The following EMC3 variants were observed in gnomAD, a reference collection of about 807,000 sequenced individuals.
EMC3 encodes 30 kDa protein.
In EMC3, 13 loss-of-function variants were observed where a neutral mutation model predicts 36.6. The ratio of observed to expected loss-of-function variants is 0.35; its 90% CI spans 0.23 to 0.56. The LOEUF (loss-of-function observed/expected upper bound fraction) is 0.56. Ranked by LOEUF, EMC3 falls within the 20% of genes least tolerant of loss-of-function variation. The pLI is 0.84. For missense variants in EMC3, 220 were observed against 324.5 expected (o/e 0.68, Z 2.47); for synonymous variants, 120 against 111.9 (o/e 1.07, Z -0.46).
chr3:9,993,843 T>C (rs2086087100), intron 1 of EMC3, among the ~76,000 whole-genome samples: 1 of 152,116 alleles, frequency 6.6e-6, no homozygotes, highest in Admixed American at 6.6e-5. Context: ...ATAACCAAGG[T>C]GGAACATCCC....
At chr3:10,007,506 CT>C (rs2086277154) in intron 1 of EMC3, 3 of 1,367,472 alleles carry the variant, frequency 2.2e-6, no homozygotes, top group South Asian at 1.1e-5. Context: ...ATGGTTTCTT[CT>C]TTTGATAACA....
intron 1 of EMC3, among the ~76,000 whole-genome samples, chr3:9,977,650 C>T (rs1039364300): frequency 3.9e-5 from 6 of 152,092 alleles, no homozygotes; most frequent in Non-Finnish European, 7.4e-5. Flanking sequence ...AAGTATTTTT[C>T]AAAAGTGACT....
chr3:9,993,097 G>T, intron 1 of EMC3: 4 of 773,298 alleles, frequency 5.2e-6, no homozygotes, highest in Non-Finnish European at 8.9e-6. Context: ...TCAGTCCATT[G>T]TTCAAACCCA....
At chr3:9,987,274 T>C (rs928732347), upstream of EMC3, 5 of 977,900 alleles carry the variant, frequency 5.1e-6, no homozygotes, top group South Asian at 4.7e-5. Context: ...GGTGAGTAAA[T>C]GGAGCAGTGG....
Position 9,976,945 on chromosome 3 carries a change from G to T in EMC3, c.307+12C>A. The stretch of plus-strand genomic sequence containing the variant: ...AATCTTCCTTAAAGATGAGTGAAGG[G>T]AACAAACATACCAGTCATAGGAGAA... On this transcript the variant is annotated intron_variant, in intron 3 of 7. Coordinates refer to ENST00000245046, the MANE Select transcript of EMC3 (RefSeq NM_001394674.1). 1 of 1,596,836 alleles carries T rather than the reference G, an allele frequency of 6.3e-7. No homozygotes were observed. Among genetic ancestry groups the T allele is most frequent in the Non-Finnish European group, 8.5e-7 (1 of 1,170,342 alleles).
Position 10,008,419 on chromosome 3 carries a change from G to A in EMC3, c.-242+2604C>T, listed in dbSNP as rs184153168. The stretch of plus-strand genomic sequence containing the variant: ...AAGTGTCTACCTGGGCCGGCATGCA[G>A]GCCGGGCAACCTTGGCTTGTTCATC... On this transcript the variant is annotated intron_variant, in intron 1 of 8. Coordinates refer to the EMC3 transcript ENST00000470827. The A allele has an allele frequency of 1.2e-3, 1,649 of 1,367,708 alleles. 30 individuals are homozygous for A. The East Asian group carries it at 0.016, about 13-fold the overall frequency. The allele number at this position is 1,367,708 out of a possible 1,614,324, so 84.7% of individuals were successfully genotyped here.
intron 4 of EMC3, among the ~76,000 whole-genome samples, chr3:9,973,994 G>A (rs1026221334): frequency 3.3e-5 from 5 of 152,156 alleles, no homozygotes; most frequent in Non-Finnish European, 7.3e-5. Flanking sequence ...ACTCTAAGTG[G>A]AATATATAAG....
rs551448953 is a variant in EMC3, at chr3:10,009,518, C to A, written c.-242+1505G>T. Among the ~76,000 whole-genome samples the A allele has an allele frequency of 2.0e-5, 3 of 152,356 alleles. No individual in the cohort carries two copies. The East Asian group carries it at 5.8e-4, about 29-fold the overall frequency. On this transcript the variant is annotated intron_variant, in intron 1 of 8. Transcript: ENST00000470827. The stretch of plus-strand genomic sequence containing the variant: ...TTTACTTTCCTATAACCCGAGAATT[C>A]TTCCTGAAAAAGGTGGCCCCTGAGA...
intron 3 of EMC3, among the ~76,000 whole-genome samples, chr3:9,976,522 A>C (rs1465383850): frequency 6.6e-6 from 1 of 152,214 alleles, no homozygotes; most frequent in African/African-American, 2.4e-5. Flanking sequence ...AACAAAGTCA[A>C]CAAAATGGCA....
At chr3:10,002,304 T>TTTATTTTATTTTA (rs1295175119) in intron 1 of EMC3, among the ~76,000 whole-genome samples, 8 of 149,632 alleles carry the variant, frequency 5.3e-5, no homozygotes, top group Non-Finnish European at 8.8e-5. Flanking sequence ...TTTATTTTAT[T>TTTATTTTATTTTA]TTGAGATAGT....
At chr3:9,973,595 T>C (rs776180988) in intron 5 of EMC3, 33 bp downstream of exon 5, 18 of 1,596,648 alleles carry the variant, frequency 1.1e-5, no homozygotes, top group Non-Finnish European at 1.1e-5. Flanking sequence ...AAAGTGTGGT[T>C]TGTGTTTTTA....
upstream of EMC3, chr3:9,987,179 A>C (rs1363418120): frequency 2.2e-6 from 2 of 921,374 alleles, no homozygotes; most frequent in African/African-American, 1.9e-5. Flanking sequence ...GCTGCACTGC[A>C]CTCCAGCCTG....
At chr3:10,003,145 C>T (rs1177434153) in intron 1 of EMC3, 1 of 456,686 alleles carries the variant, frequency 2.2e-6, no homozygotes, top group East Asian at 7.0e-5. Context: ...CCAGCAACAC[C>T]CTGTGGCCTT....
chr3:9,964,987 C>T (rs144281014), intron 7 of EMC3, among the ~76,000 whole-genome samples: 14 of 152,000 alleles, frequency 9.2e-5, no homozygotes, highest in Non-Finnish European at 1.9e-4. Context: ...TCTACAGTCC[C>T]AGCTACTCTG....
At chr3:10,004,015 G>C (rs1197010894) in intron 1 of EMC3, 1 of 152,144 alleles carries the variant, frequency 6.6e-6, no homozygotes, top group Non-Finnish European at 1.5e-5. Flanking sequence ...CCCCTACATG[G>C]CCCTGGAACG....
intron 1 of EMC3, among the ~76,000 whole-genome samples, chr3:10,005,457 G>A (rs142039707): frequency 1.3e-5 from 2 of 152,260 alleles, no homozygotes; most frequent in African/African-American, 2.4e-5. Context: ...CAAAGCCTCA[G>A]TGTCATACTG....
chr3:9,965,070 T>C (rs1386705364), intron 7 of EMC3, among the ~76,000 whole-genome samples: 1 of 148,376 alleles, frequency 6.7e-6, no homozygotes, highest in East Asian at 2.0e-4. Context: ...TAGATGAGCC[T>C]AGAGATAGTA....
intron 1 of EMC3, among the ~76,000 whole-genome samples, chr3:9,985,875 C>G (rs1575686426): frequency 1.3e-5 from 2 of 152,122 alleles, no homozygotes; most frequent in Non-Finnish European, 2.9e-5. Flanking sequence ...GCCTGGGCAA[C>G]GAGAGCGAAA....
chr3:9,989,184 A>C (rs2086015583), upstream of EMC3, among the ~76,000 whole-genome samples: 1 of 152,218 alleles, frequency 6.6e-6, no homozygotes, highest in Non-Finnish European at 1.5e-5. Flanking sequence ...AGAGTAAATC[A>C]GTCTGTCCAC....
Sources: allele counts gnomAD v4.1 joint callset (sites outside exome capture counted in the v4.1 genomes callset), GRCh38; gene constraint gnomAD v4.1.1; transcripts MANE v1.5; gene names NCBI Gene and HGNC (gene_info 2026-07-23, HGNC 2026-07-21).